MTCL3: variants seen among roughly 807,000 people sequenced by gnomAD.
MTCL3 encodes the protein MTCL family member 3, also known as microtubule cross-linking factor 3.
chr6:127,490,878 C>T, the MTCL3 span, among the ~76,000 whole-genome samples: 6 of 152,212 alleles, frequency 3.9e-5, no homozygotes, highest in Middle Eastern at 6.8e-3. Flanking sequence ...TGATTGGAGA[C>T]GGTCAAAACA....
At chr6:127,476,488 G>A in the MTCL3 span, 18 of 1,535,690 alleles carry the variant, frequency 1.2e-5, no homozygotes, top group African/African-American at 2.5e-4. The surrounding 1 kb of genome is among the most constrained non-coding windows in gnomAD (Gnocchi z 4.4). Flanking sequence ...GGGAAAAGAG[G>A]GAAAAGGATA....
chr6:127,492,495 C>A, the MTCL3 span, among the ~76,000 whole-genome samples: 14 of 151,982 alleles, frequency 9.2e-5, no homozygotes, highest in Non-Finnish European at 1.5e-4. Flanking sequence ...TTTATTTCTC[C>A]CCTGCCTTTG....
the MTCL3 span, chr6:127,475,686 C>T: frequency 1.3e-6 from 2 of 1,583,482 alleles, no homozygotes; most frequent in African/African-American, 2.7e-5. This position sits in a 1 kb window ranked among gnomAD's most constrained non-coding sequence, Gnocchi z 7.3. Flanking sequence ...CCGAGTCGCT[C>T]TCGCCGCCGA....
the MTCL3 span, chr6:127,517,466 T>C: frequency 1.3e-5 from 2 of 152,236 alleles, no homozygotes; most frequent in Admixed American, 6.5e-5. Flanking sequence ...GGAAAAGTTG[T>C]GGTCAGTTCT....
At chr6:127,473,287 T>C in the MTCL3 span, 2 of 1,529,726 alleles carry the variant, frequency 1.3e-6, no homozygotes, top group Non-Finnish European at 1.7e-6. Flanking sequence ...AGATTTACAG[T>C]ACAAAAAACA....
chr6:127,480,963 A>G, the MTCL3 span, among the ~76,000 whole-genome samples: 1 of 152,236 alleles, frequency 6.6e-6, no homozygotes, highest in East Asian at 1.9e-4. Flanking sequence ...ATGCTACAGT[A>G]TACTTATAAA....
chr6:127,494,291 A>T, the MTCL3 span, among the ~76,000 whole-genome samples: 933 of 152,342 alleles, frequency 6.1e-3, 9 homozygotes, highest in African/African-American at 0.02. Flanking sequence ...ATTTAGGTAC[A>T]TCAGAAACTT....
the MTCL3 span, among the ~76,000 whole-genome samples, chr6:127,474,219 C>T: frequency 6.0e-4 from 91 of 151,546 alleles, no homozygotes; most frequent in African/African-American, 2.0e-3. Flanking sequence ...AACCATGTCT[C>T]TTTACCACTG....
At chr6:127,515,070 G>A in the MTCL3 span, 12 of 1,606,176 alleles carry the variant, frequency 7.5e-6, no homozygotes, top group Non-Finnish European at 1.0e-5. The surrounding 1 kb of genome is among the most constrained non-coding windows in gnomAD (Gnocchi z 4.3). Flanking sequence ...CAGGCCGCGT[G>A]TCAAAATCAA....
At chr6:127,474,284 AT>A in the MTCL3 span, among the ~76,000 whole-genome samples, 2 of 151,694 alleles carry the variant, frequency 1.3e-5, no homozygotes, top group Admixed American at 6.6e-5. Flanking sequence ...AATTAAATTA[AT>A]TTTTTTTATT....
the MTCL3 span, among the ~76,000 whole-genome samples, chr6:127,479,178 T>C: frequency 6.6e-6 from 1 of 152,200 alleles, no homozygotes; most frequent in Non-Finnish European, 1.5e-5. Flanking sequence ...GGATTATTCA[T>C]GCCTCCCCAT....
At chr6:127,516,122 C>A in the MTCL3 span, 1 of 1,463,894 alleles carries the variant, frequency 6.8e-7, no homozygotes, top group Non-Finnish European at 9.0e-7. Flanking sequence ...CCTCCCCCTT[C>A]TCCGAGCGGA....
chr6:127,474,537 C>T, the MTCL3 span, among the ~76,000 whole-genome samples: 1 of 152,154 alleles, frequency 6.6e-6, no homozygotes, highest in African/African-American at 2.4e-5. Flanking sequence ...TCTGGGATTA[C>T]AGGCATGAGC....
At chr6:127,497,051 A>G in the MTCL3 span, among the ~76,000 whole-genome samples, 3 of 152,234 alleles carry the variant, frequency 2.0e-5, no homozygotes, top group African/African-American at 7.2e-5. Flanking sequence ...ATAAATGGGC[A>G]TGAAGAATCT....
chr6:127,515,605 G>C, the MTCL3 span: 4 of 1,425,672 alleles, frequency 2.8e-6, no homozygotes, highest in Admixed American at 3.3e-5. This position sits in a 1 kb window ranked among gnomAD's most constrained non-coding sequence, Gnocchi z 4.3. Flanking sequence ...CTGCGACGAA[G>C]GGGGCGCTGC....
At chr6:127,513,693 G>C in the MTCL3 span, among the ~76,000 whole-genome samples, 4 of 152,158 alleles carry the variant, frequency 2.6e-5, no homozygotes, top group Non-Finnish European at 5.9e-5. Context: ...GGAGCAGACT[G>C]GTGTAGAGGC....
the MTCL3 span, among the ~76,000 whole-genome samples, chr6:127,487,910 C>G: frequency 1.3e-5 from 2 of 152,176 alleles, no homozygotes. Context: ...TCAACCCAGA[C>G]CAATTAAAAC....
At chr6:127,514,847 C>G in the MTCL3 span, 3 of 1,613,176 alleles carry the variant, frequency 1.9e-6, no homozygotes, top group Non-Finnish European at 8.5e-7. Context: ...CCAGGCTGCG[C>G]AACAGCTCCC....
At chr6:127,475,844 C>T in the MTCL3 span, 1 of 1,613,514 alleles carries the variant, frequency 6.2e-7, no homozygotes, top group Non-Finnish European at 8.5e-7. The surrounding 1 kb of genome is among the most constrained non-coding windows in gnomAD (Gnocchi z 7.3). Flanking sequence ...GACATAAGCA[C>T]GCGGTTCTCG....
Sources: gnomAD v4.1 joint callset for allele counts (sites outside exome capture counted in the v4.1 genomes callset) on GRCh38, gnomAD v4.1.1 for gene constraint, Gnocchi (gnomAD v3.1) non-coding constraint, MANE v1.5 for transcripts, NCBI Gene and HGNC (gene_info 2026-07-23, HGNC 2026-07-21) for gene names.